FHAD1: variants seen among roughly 807,000 people sequenced by gnomAD.
FHAD1 encodes the protein forkhead-associated domain-containing protein 1.
A neutral mutation model predicts 191.3 loss-of-function variants in FHAD1; 146 were observed. That is an observed-to-expected ratio of 0.76 (90% CI 0.67 to 0.88). FHAD1 has a LOEUF of 0.88. Among genes scored for constraint, FHAD1 ranks in the 40% least tolerant of loss-of-function variants. The probability of loss-of-function intolerance (pLI) is 0.00; values close to 1 mark genes in which losing one functional copy is unlikely to be tolerated. For missense variants in FHAD1, 1,635 were observed against 1,785.8 expected, an observed-to-expected ratio of 0.92 and a Z score of 1.52; for synonymous variants, 616 against 672.3, an observed-to-expected ratio of 0.92 and a Z score of 1.29.
intron 23 of FHAD1, 98 bp from the exon 24 acceptor site, chr1:15,365,729 T>G: frequency 2.7e-6 from 2 of 730,488 alleles, no homozygotes; most frequent in Non-Finnish European, 2.4e-6. Flanking sequence ...GGACCGTGAT[T>G]GAGAATCTCT....
chr1:15,363,649 G>A (rs1355067440), intron 23 of FHAD1: 1 of 415,116 alleles, frequency 2.4e-6, no homozygotes, highest in Admixed American at 2.8e-5. Context: ...AGACCACTTG[G>A]TGGGGCGGGG....
Position 15,283,492 on chromosome 1 carries a change from G to A in FHAD1, c.301-5907G>A, listed in dbSNP as rs1343429975. ...TCATGAAATATAGTAAAATAATTAG[G>A]AGGCTAAGTTTTAAGTATTTATTAC... On this transcript the variant is annotated intron_variant, in intron 3 of 33. Coordinates refer to ENST00000688493, the MANE Select transcript of FHAD1 (RefSeq NM_001391957.1). Among the ~76,000 whole-genome samples, 4 of 152,162 alleles carry A rather than the reference G, an allele frequency of 2.6e-5. No individual in the cohort carries two copies. In the South Asian group the frequency reaches 6.2e-4, roughly 24 times the overall value.
intron 10 of FHAD1, 58 bp from the exon 11 acceptor site, chr1:15,324,394 C>T (rs1677482583): frequency 7.5e-7 from 1 of 1,324,778 alleles, no homozygotes. Context: ...AGAGGAATCT[C>T]CCCAGAGTGC....
chr1:15,369,283 A>C (rs1697425444), intron 25 of FHAD1, 87 bp from the exon 26 acceptor site: 56 of 1,355,232 alleles, frequency 4.1e-5, no homozygotes, highest in Non-Finnish European at 5.2e-5. Flanking sequence ...CTATAAAAAT[A>C]GAGCTCCATG....
intron 2 of FHAD1, among the ~76,000 whole-genome samples, chr1:15,267,034 A>G (rs1204749189): frequency 6.6e-6 from 1 of 152,344 alleles, no homozygotes; most frequent in African/African-American, 2.4e-5. Context: ...TGCTATAAAC[A>G]TGCATCCAAA....
At position 15,313,124 on chromosome 1, in the gene FHAD1, G is replaced by A; in HGVS notation, c.1107G>A (p.Glu369=). 1 of 1,551,876 alleles carries A rather than the reference G, an allele frequency of 6.4e-7. No individual in the cohort carries two copies. The highest frequency in any genetic ancestry group is 8.7e-7 in the Non-Finnish European group (1 of 1,147,024). The change falls in exon 8 of 34, where the codon GAG becomes GAA. Residue 369 remains glutamate (E), a synonymous_variant. Coordinates refer to ENST00000688493, the MANE Select transcript of FHAD1 (RefSeq NM_001391957.1). The part of the protein sequence containing the change: ...KDEQVQQLKE[E]VSHLKSQNKD... ...AGCAAGTTCAACAACTAAAGGAAGA[G>A]GTCAGTCACCTAAAAAGTCAGAACA...
rs143473799 is a variant in FHAD1 at position 15,366,677 on chromosome 1, G to T, written c.3154+744G>T. Among the ~76,000 whole-genome samples, 50 of 152,326 alleles carry T rather than the reference G, an allele frequency of 3.3e-4. 1 individual carries two copies. In the East Asian group the frequency reaches 9.3e-3, roughly 28 times the overall value. Reference sequence around the variant, plus strand: ...TTCTCTTCCTCAGATGCCAAGTAGAGACAACACACCTTCTTCCTACGGTTG... The same window carrying T: ...TTCTCTTCCTCAGATGCCAAGTAGATACAACACACCTTCTTCCTACGGTTG... On this transcript the variant is annotated intron_variant, in intron 24 of 33. Coordinates refer to ENST00000688493, the MANE Select transcript of FHAD1 (RefSeq NM_001391957.1).
chr1:15,258,400 GGTTCCT>G (rs2100929751), intron 2 of FHAD1, among the ~76,000 whole-genome samples: 1 of 152,266 alleles, frequency 6.6e-6, no homozygotes, highest in African/African-American at 2.4e-5. Context: ...ATGTTCTTAA[GGTTCCT>G]CTGTGGCAGC....
intron 33 of FHAD1, among the ~76,000 whole-genome samples, chr1:15,395,904 A>G (rs1208674859): frequency 6.6e-6 from 1 of 152,218 alleles, no homozygotes; most frequent in Non-Finnish European, 1.5e-5. Flanking sequence ...TTGGACACCC[A>G]GTTCTAAGCC....
chr1:15,310,352 C>G (rs1191481651), intron 7 of FHAD1, among the ~76,000 whole-genome samples: 1 of 152,210 alleles, frequency 6.6e-6, no homozygotes, highest in Non-Finnish European at 1.5e-5. Flanking sequence ...TCTTCCCTAA[C>G]ATGGAATGTT....
chr1:15,316,181 G>C lies in FHAD1; in HGVS notation c.1171-197G>C, dbSNP rs1391535590. 6.6e-6 allele frequency among the ~76,000 whole-genome samples: 1 copy of C among 152,232 alleles called. No individual in the cohort carries two copies. The highest frequency in any genetic ancestry group is 2.1e-4 in the South Asian group (1 of 4,834). Reference sequence around the variant, plus strand: ...CTTTATTCCTCTGATTTCCTGAGTGGAGAAGCAGGAACAGCTTTGGGATCC... The same window carrying C: ...CTTTATTCCTCTGATTTCCTGAGTGCAGAAGCAGGAACAGCTTTGGGATCC... On this transcript the variant is annotated intron_variant, in intron 8 of 33. Coordinates refer to ENST00000688493, the MANE Select transcript of FHAD1 (RefSeq NM_001391957.1). The surrounding 1 kb of genome is among the most constrained non-coding windows in gnomAD (Gnocchi z 4.3).
chr1:15,352,103 A>G (rs1319443268), intron 19 of FHAD1, among the ~76,000 whole-genome samples: 2 of 152,216 alleles, frequency 1.3e-5, no homozygotes, highest in African/African-American at 4.8e-5. Context: ...AAAAGTTGCC[A>G]TAATCCCAAT....
chr1:15,354,472 G>C (rs919329619), intron 20 of FHAD1, among the ~76,000 whole-genome samples: 2 of 152,166 alleles, frequency 1.3e-5, no homozygotes, highest in African/African-American at 4.8e-5. Flanking sequence ...GGGCTGTCAT[G>C]GTCACAGAGG....
At position 15,329,564 on chromosome 1, in the gene FHAD1, C is replaced by T. The variant is rs1241802000; in HGVS notation, c.1906+23C>T. ...AAGGTTACTGGGACTTTTTTTCTCA[C>T]ATGGTTGCATGACTCTAAAATGTCG... On this transcript the variant is annotated intron_variant, in intron 14 of 33. Transcript: ENST00000688493. The surrounding 1 kb of genome is among the most constrained non-coding windows in gnomAD (Gnocchi z 5.0). The T allele has an allele frequency of 1.9e-6, 3 of 1,544,766 alleles. No individual in the cohort carries two copies. The highest frequency in any genetic ancestry group is 2.0e-5 in the Admixed American group (1 of 50,938).
Position 15,397,568 on chromosome 1 carries a change from T to C in FHAD1, c.*155T>C, listed in dbSNP as rs986047043. 19 of 432,988 alleles carry C rather than the reference T, an allele frequency of 4.4e-5. No individual in the cohort carries two copies. The highest frequency in any genetic ancestry group is 8.0e-5 in the African/African-American group (4 of 50,140). The allele number at this position is 432,988 out of a possible 1,614,324, so 26.8% of individuals were successfully genotyped here. ...TAGACCAGTATTTTGAACAATATTA[T>C]ATTTTGGAGACTGTGGGGAGAAGGG... On this transcript the variant is annotated 3_prime_UTR_variant, in exon 34 of 34. Coordinates refer to ENST00000688493, the MANE Select transcript of FHAD1 (RefSeq NM_001391957.1).
At chr1:15,237,789 T>C (rs1644940265) in intron 1 of FHAD1, among the ~76,000 whole-genome samples, 1 of 151,796 alleles carries the variant, frequency 6.6e-6, no homozygotes, top group African/African-American at 2.4e-5. Flanking sequence ...AGAGTCTGTG[T>C]TGAGTGCTGT....
intron 6 of FHAD1, among the ~76,000 whole-genome samples, chr1:15,307,183 T>G (rs545437058): frequency 6.6e-6 from 1 of 152,316 alleles, no homozygotes; most frequent in Non-Finnish European, 1.5e-5. Context: ...CTGCTGGATT[T>G]CAGACTTTCA....
chr1:15,296,443 T>C (rs956316926), intron 4 of FHAD1, among the ~76,000 whole-genome samples: 1 of 151,966 alleles, frequency 6.6e-6, no homozygotes, highest in African/African-American at 2.4e-5. Context: ...TTAGTAGAGA[T>C]GGGGTTTCAC....
At chr1:15,258,355 G>A (rs149243863) in intron 2 of FHAD1, among the ~76,000 whole-genome samples, 59 of 152,234 alleles carry the variant, frequency 3.9e-4, no homozygotes, top group African/African-American at 1.3e-3. Flanking sequence ...CGTATAGTAC[G>A]TGTCTTTTGT....
Sources: allele counts gnomAD v4.1 joint callset (sites outside exome capture counted in the v4.1 genomes callset), GRCh38; gene constraint gnomAD v4.1.1; non-coding constraint Gnocchi (gnomAD v3.1); transcripts MANE v1.5; gene names NCBI Gene and HGNC (gene_info 2026-07-23, HGNC 2026-07-21).